PIGU: variants seen among roughly 807,000 people sequenced by gnomAD.
The protein encoded by PIGU is phosphatidylinositol glycan anchor biosynthesis class U, also known as GPI-anchor transamidase component PIGU.
In PIGU, 24 loss-of-function variants were observed where a neutral mutation model predicts 49.9. The observed-to-expected ratio is 0.48, with a 90% CI of 0.35 to 0.68. PIGU has a LOEUF of 0.68. Among genes scored for constraint, PIGU ranks in the 30% least tolerant of loss-of-function variants. The pLI, the probability that PIGU is intolerant of heterozygous loss-of-function variation, is 0.01. For missense variants in PIGU, 490 were observed against 532.6 expected (o/e 0.92, Z 0.79); for synonymous variants, 220 against 205.7 (o/e 1.07, Z -0.59).
intron 11 of PIGU, among the ~76,000 whole-genome samples, chr20:34,566,411 T>C (rs2146690889): frequency 6.6e-6 from 1 of 152,328 alleles, no homozygotes; most frequent in Admixed American, 6.5e-5. Context: ...ATGGCAGCCA[T>C]GAGGGCTCCA....
chr20:34,568,543 C>G (rs1982873049), intron 11 of PIGU, among the ~76,000 whole-genome samples: 1 of 152,164 alleles, frequency 6.6e-6, no homozygotes, highest in Admixed American at 6.5e-5. Flanking sequence ...CTCGAGCCAA[C>G]CCCAAATGGG....
chr20:34,562,280 A>T, intron 11 of PIGU: 1 of 382,520 alleles, frequency 2.6e-6, no homozygotes, highest in Non-Finnish European at 3.6e-6. Context: ...CGCAGCTCTC[A>T]GGCACCTGGA....
intron 1 of PIGU, among the ~76,000 whole-genome samples, chr20:34,674,254 C>G (rs1853056): frequency 2.6e-5 from 4 of 151,338 alleles, no homozygotes; most frequent in African/African-American, 9.7e-5. Context: ...ACCCAAGAGG[C>G]TGAGACGAGA....
intron 6 of PIGU, among the ~76,000 whole-genome samples, chr20:34,630,276 T>G (rs976656550): frequency 4.6e-5 from 7 of 152,116 alleles, no homozygotes; most frequent in Admixed American, 3.3e-4. Flanking sequence ...AGGAACTACT[T>G]TGCACAGTAG....
intron 7 of PIGU, among the ~76,000 whole-genome samples, chr20:34,608,818 C>T (rs527555169): frequency 1.3e-5 from 2 of 152,306 alleles, no homozygotes; most frequent in East Asian, 3.9e-4. Flanking sequence ...CCATGATTCA[C>T]AGGGAACTGA....
intron 2 of PIGU, among the ~76,000 whole-genome samples, chr20:34,647,197 T>C (rs1271697895): frequency 8.6e-5 from 13 of 151,984 alleles, no homozygotes; most frequent in African/African-American, 2.9e-4. Flanking sequence ...TCTTGAACTC[T>C]CAACCTCAGG....
In PIGU at chr20:34,625,374, A is replaced by AC. The variant is rs1177894590; in HGVS notation, c.530-9236_530-9235insG. ...CAAGAGCAAAACTCCATCTCAAAAA[A>AC]AAAAAAAACAAAAAAAAAAAAACTA... On this transcript the variant is annotated intron_variant, in intron 6 of 11. Coordinates refer to ENST00000217446, the MANE Select transcript of PIGU (RefSeq NM_080476.5). 4.0e-5 allele frequency among the ~76,000 whole-genome samples: 6 copies of AC among 151,754 alleles called. 1 individual carries two copies. The highest frequency in any genetic ancestry group is 1.5e-4 in the African/African-American group (6 of 41,364).
chr20:34,626,007 AC>A (rs1056017844), intron 6 of PIGU, among the ~76,000 whole-genome samples: 2 of 150,110 alleles, frequency 1.3e-5, no homozygotes, highest in East Asian at 1.9e-4. Flanking sequence ...GTTTAAAAAA[AC>A]ATTTATTTTC....
At chr20:34,659,259 T>A (rs1434025921) in intron 1 of PIGU, among the ~76,000 whole-genome samples, 4 of 86,008 alleles carry the variant, frequency 4.7e-5, no homozygotes, top group East Asian at 3.8e-4. Context: ...GGTGGGGGGG[T>A]CAGCCCCCCG....
intron 6 of PIGU, among the ~76,000 whole-genome samples, chr20:34,620,130 A>G (rs989367400): frequency 6.6e-6 from 1 of 152,140 alleles, no homozygotes; most frequent in East Asian, 1.9e-4. Context: ...CCAGTCTTTA[A>G]AGACTTCTGA....
At chr20:34,584,142 G>T (rs904206598) in intron 9 of PIGU, among the ~76,000 whole-genome samples, 1 of 152,150 alleles carries the variant, frequency 6.6e-6, no homozygotes, top group African/African-American at 2.4e-5. Context: ...CTTACTAGCT[G>T]TGTGACTGGG....
intron 6 of PIGU, among the ~76,000 whole-genome samples, chr20:34,634,374 G>T (rs1985891218): frequency 6.6e-6 from 1 of 152,060 alleles, no homozygotes; most frequent in Admixed American, 6.5e-5. Context: ...ACCTGGCCTA[G>T]AACTTTTTTG....
intron 11 of PIGU, among the ~76,000 whole-genome samples, chr20:34,564,726 G>A (rs1414261405): frequency 1.3e-5 from 2 of 152,254 alleles, no homozygotes; most frequent in Non-Finnish European, 2.9e-5. Context: ...ATGGACTGAG[G>A]GATGATGGAA....
intron 6 of PIGU, among the ~76,000 whole-genome samples, chr20:34,623,394 T>C (rs1246729101): frequency 6.6e-6 from 1 of 151,868 alleles, no homozygotes; most frequent in East Asian, 1.9e-4. Flanking sequence ...GATGATAATT[T>C]ATTGAGCACT....
At chr20:34,663,205 A>G (rs1181009266) in intron 1 of PIGU, among the ~76,000 whole-genome samples, 1 of 152,162 alleles carries the variant, frequency 6.6e-6, no homozygotes, top group Non-Finnish European at 1.5e-5. Flanking sequence ...GCACCTAGCT[A>G]CTTTTTATTT....
chr20:34,598,001 T>G (rs1244867843), intron 7 of PIGU, among the ~76,000 whole-genome samples: 6 of 152,034 alleles, frequency 3.9e-5, no homozygotes, highest in African/African-American at 1.2e-4. Flanking sequence ...GCCCAGGAGC[T>G]CGAGACCAGC....
intron 2 of PIGU, among the ~76,000 whole-genome samples, chr20:34,656,655 A>G (rs1986713715): frequency 6.6e-6 from 1 of 151,588 alleles, no homozygotes; most frequent in African/African-American, 2.4e-5. Flanking sequence ...TGTGGTCCCT[A>G]CTAAGGAGGC....
At chr20:34,595,112 A>G (rs920268590) in intron 7 of PIGU, among the ~76,000 whole-genome samples, 5 of 150,888 alleles carry the variant, frequency 3.3e-5, no homozygotes, top group African/African-American at 9.7e-5. Context: ...AAAAAAAAAA[A>G]AAAAAAGAAA....
intron 11 of PIGU, among the ~76,000 whole-genome samples, chr20:34,567,746 G>A (rs183607497): frequency 6.2e-4 from 94 of 152,092 alleles, no homozygotes; most frequent in African/African-American, 2.2e-3. Context: ...AAGTGGTACA[G>A]CCAGTCCCAC....
Sources: allele counts gnomAD v4.1 joint callset (sites outside exome capture counted in the v4.1 genomes callset), GRCh38; gene constraint gnomAD v4.1.1; transcripts MANE v1.5; gene names NCBI Gene and HGNC (gene_info 2026-07-23, HGNC 2026-07-21).